Variants in BICDL1 observed in about 807,000 individuals in gnomAD.
BICDL1 encodes BICD family-like cargo adapter 1.
Under a neutral mutation model 76.8 loss-of-function variants are expected in BICDL1, and 20 were observed. That is an observed-to-expected ratio of 0.26 (90% CI 0.18 to 0.38). BICDL1 has a LOEUF of 0.38. Among genes scored for constraint, BICDL1 ranks in the 10% least tolerant of loss-of-function variants. BICDL1 has a pLI of 1.00. For synonymous variants in BICDL1, 383 were observed against 337.1 expected, an observed-to-expected ratio of 1.14 and a Z score of -1.49; for missense variants, 700 against 798.6, an observed-to-expected ratio of 0.88 and a Z score of 1.49.
At chr12:120,041,279 A>G (rs1215296453) in intron 2 of BICDL1, among the ~76,000 whole-genome samples, 1 of 152,188 alleles carries the variant, frequency 6.6e-6, no homozygotes, top group African/African-American at 2.4e-5. Flanking sequence ...GTTTTACTCT[A>G]AAGGGAAGAT....
At chr12:120,052,976 C>T (rs1397308934) in intron 2 of BICDL1, among the ~76,000 whole-genome samples, 2 of 152,072 alleles carry the variant, frequency 1.3e-5, no homozygotes, top group Non-Finnish European at 2.9e-5. Context: ...GGTGGGGTTT[C>T]ACCATGTTGG....
intron 2 of BICDL1, among the ~76,000 whole-genome samples, chr12:120,037,732 A>G (rs149942057): frequency 5.3e-5 from 8 of 152,326 alleles, no homozygotes; most frequent in African/African-American, 1.9e-4. Flanking sequence ...AGAAGCAACT[A>G]TATTTGTTTA....
chr12:120,068,079 C>T (rs1448589259), intron 4 of BICDL1, among the ~76,000 whole-genome samples: 2 of 152,194 alleles, frequency 1.3e-5, no homozygotes, highest in African/African-American at 2.4e-5. Flanking sequence ...AGGTGAGGCT[C>T]CCAGGTCCCC....
At chr12:120,081,131 T>C (rs112656471) in intron 8 of BICDL1, 114 bp downstream of exon 8, 69,488 of 1,087,980 alleles carry the variant, frequency 0.064, 2,810 homozygotes, top group African/African-American at 0.14. Context: ...TAAAAGTTAG[T>C]TTCCCCGCTA....
chr12:120,029,119 G>A (rs201720353), intron 2 of BICDL1, among the ~76,000 whole-genome samples: 2 of 152,174 alleles, frequency 1.3e-5, no homozygotes, highest in East Asian at 3.9e-4. Flanking sequence ...AGGGTGCAGG[G>A]CCTTTAGACC....
chr12:119,990,825 T>C (rs1220396243), intron 1 of BICDL1, among the ~76,000 whole-genome samples: 1 of 152,206 alleles, frequency 6.6e-6, no homozygotes, highest in East Asian at 1.9e-4. Context: ...TTAGGAAATG[T>C]GGTTCCATTG....
chr12:120,051,559 T>C (rs1353659482), intron 2 of BICDL1, among the ~76,000 whole-genome samples: 1 of 152,168 alleles, frequency 6.6e-6, no homozygotes. Context: ...TTATTTGATC[T>C]TCGGATTGAA....
intron 2 of BICDL1, among the ~76,000 whole-genome samples, chr12:120,015,325 G>A (rs1483124135): frequency 6.6e-6 from 1 of 152,138 alleles, no homozygotes; most frequent in African/African-American, 2.4e-5. Flanking sequence ...AAAGGGCATG[G>A]CATTCAAAGC....
At chr12:120,003,458 A>C (rs1490196295) in intron 2 of BICDL1, among the ~76,000 whole-genome samples, 1 of 152,228 alleles carries the variant, frequency 6.6e-6, no homozygotes, top group Non-Finnish European at 1.5e-5. Context: ...TGTCAAGAAT[A>C]CACTACCCCT....
chr12:120,072,718 A>G lies in BICDL1; in HGVS notation c.1297A>G (p.Met433Val). The part of the protein sequence containing the change: ...KRLIQSIVDG[M>V]EPTGSRRLDD... Reference sequence around the variant, plus strand: ...ACTGATACAGAGCATTGTGGATGGCATGGAGCCCACGGTAAGAGGCCAGTC... The same window carrying G: ...ACTGATACAGAGCATTGTGGATGGCGTGGAGCCCACGGTAAGAGGCCAGTC... The change falls in exon 6 of 10, where the codon ATG becomes GTG. Residue 433 changes from methionine to valine, a missense_variant. Around this residue, in one of 3 missense-constraint regions of BICDL1, gnomAD observed 455 missense variants for 548.7 expected, o/e 0.83. Coordinates refer to ENST00000548673, the MANE Select transcript of BICDL1 (RefSeq NM_001367886.1). The G allele has an allele frequency of 1.2e-6, 2 of 1,612,366 alleles. No homozygotes were observed. The highest frequency in any genetic ancestry group is 1.7e-6 in the Non-Finnish European group (2 of 1,179,732).
At chr12:120,034,374 CAG>C (rs1952489728) in intron 2 of BICDL1, among the ~76,000 whole-genome samples, 1 of 152,122 alleles carries the variant, frequency 6.6e-6, no homozygotes. Context: ...AAAATTAACA[CAG>C]AGGGGTTTTA....
At chr12:120,002,542 T>C (rs1951778581) in intron 2 of BICDL1, among the ~76,000 whole-genome samples, 2 of 152,212 alleles carry the variant, frequency 1.3e-5, no homozygotes, top group Admixed American at 1.3e-4. Flanking sequence ...TTAGAACCCT[T>C]AATTTTATTC....
chr12:120,053,885 C>T (rs1339298870), intron 2 of BICDL1, among the ~76,000 whole-genome samples: 1 of 151,984 alleles, frequency 6.6e-6, no homozygotes, highest in Non-Finnish European at 1.5e-5. Flanking sequence ...ATATAAAAAA[C>T]TGTAAGGCCA....
chr12:120,031,463 C>T (rs533980940), intron 2 of BICDL1, among the ~76,000 whole-genome samples: 10 of 152,264 alleles, frequency 6.6e-5, no homozygotes, highest in Non-Finnish European at 1.3e-4. Flanking sequence ...CTCAGCCTCC[C>T]AAAGTGCTGA....
chr12:120,082,356 G>A (rs574186580), intron 8 of BICDL1, among the ~76,000 whole-genome samples: 2 of 151,732 alleles, frequency 1.3e-5, no homozygotes, highest in Non-Finnish European at 2.9e-5. Context: ...GGTCTTGAGC[G>A]ATCCTCCCAC....
intron 2 of BICDL1, among the ~76,000 whole-genome samples, chr12:120,061,005 C>T (rs1022325104): frequency 1.3e-5 from 2 of 152,218 alleles, no homozygotes; most frequent in Non-Finnish European, 2.9e-5. Context: ...AGGGCTCCCT[C>T]AGTAGGGTCT....
At position 120,093,680 on chromosome 12, in the gene BICDL1, C is replaced by T. The variant is rs1489953801; in HGVS notation, c.*519C>T. ...CCAGGGTCAAAGGAGAGATGGCAGC[C>T]CCTCCCCCGCATGCATGCACCTCAG... On this transcript the variant is annotated 3_prime_UTR_variant, in exon 10 of 10. Coordinates refer to ENST00000548673, the MANE Select transcript of BICDL1 (RefSeq NM_001367886.1). 2 of 170,460 alleles carry T rather than the reference C, an allele frequency of 1.2e-5. No homozygotes were observed. Among genetic ancestry groups the T allele is most frequent in the African/African-American group, 4.8e-5 (2 of 41,614 alleles). The allele number at this position is 170,460 out of a possible 1,614,324, so 10.6% of individuals were successfully genotyped here. A position where few individuals can be genotyped will look rare whatever the true frequency, so the allele number is the denominator to read the frequency against.
intron 2 of BICDL1, among the ~76,000 whole-genome samples, chr12:120,060,549 A>C: frequency 6.6e-6 from 1 of 152,182 alleles, no homozygotes; most frequent in East Asian, 1.9e-4. Context: ...GATTCATAGG[A>C]AGGAAAATTT....
At chr12:120,019,013 C>G (rs1353681031) in intron 2 of BICDL1, 1 of 149,672 alleles carries the variant, frequency 6.7e-6, no homozygotes, top group African/African-American at 2.5e-5. Context: ...CCACTGCACT[C>G]CAGCCTGGGC....
Sources: gnomAD v4.1 joint callset for allele counts (sites outside exome capture counted in the v4.1 genomes callset) on GRCh38, gnomAD v4.1.1 for gene constraint, gnomAD v4.1.1 regional missense constraint, MANE v1.5 for transcripts, NCBI Gene and HGNC (gene_info 2026-07-23, HGNC 2026-07-21) for gene names.